Variants in USO1 observed in about 807,000 individuals in gnomAD.
USO1 encodes USO1 vesicle transport factor.
A neutral mutation model predicts 124.5 loss-of-function variants in USO1; 57 were observed. That is an observed-to-expected ratio of 0.46 (90% confidence interval 0.37 to 0.57). The LOEUF (loss-of-function observed/expected upper bound fraction) is 0.57, where lower values mean the gene tolerates loss of function less well. Ranked by LOEUF, USO1 falls within the 20% of genes least tolerant of loss-of-function variation. The pLI is 0.00. For missense variants in USO1, 900 were observed against 1,040.6 expected, an observed-to-expected ratio of 0.86 and a Z score of 1.86; for synonymous variants, 369 against 362.8, an observed-to-expected ratio of 1.02 and a Z score of -0.19.
Position 75,750,048 on chromosome 4 carries a change from C to T in USO1, c.67-2325C>T, listed in dbSNP as rs897802470. On this transcript the variant is annotated intron_variant, in intron 1 of 23. Coordinates refer to ENST00000514213, the MANE Select transcript of USO1 (RefSeq NM_003715.4). ...GATTATAGGCGTGAGCCACCACGCC[C>T]GGCCTAAACTATGTTCTTCATCAGA... 8.5e-5 allele frequency among the ~76,000 whole-genome samples: 13 copies of T among 152,254 alleles called. No homozygotes were observed. The South Asian group carries it at 1.0e-3, about 12-fold the overall frequency.
At chr4:75,769,322 G>A (rs998438395) in intron 4 of USO1, among the ~76,000 whole-genome samples, 1 of 152,128 alleles carries the variant, frequency 6.6e-6, no homozygotes, top group Non-Finnish European at 1.5e-5. Context: ...ATATTTCTTG[G>A]AGTTTCTGAA....
intron 3 of USO1, among the ~76,000 whole-genome samples, chr4:75,757,075 T>C (rs1721468154): frequency 6.7e-6 from 1 of 149,130 alleles, no homozygotes; most frequent in Admixed American, 6.8e-5. Flanking sequence ...AAAATATGCA[T>C]AGATACAAAC....
chr4:75,777,685 A>G (rs1227935851), intron 8 of USO1, among the ~76,000 whole-genome samples: 5 of 152,198 alleles, frequency 3.3e-5, no homozygotes, highest in African/African-American at 4.8e-5. Flanking sequence ...GAAAACATTG[A>G]CACCACCAAA....
intron 9 of USO1, among the ~76,000 whole-genome samples, chr4:75,784,692 T>C (rs1048628316): frequency 6.6e-6 from 1 of 151,564 alleles, no homozygotes; most frequent in Admixed American, 6.6e-5. Context: ...CTCAGGAGGC[T>C]GAAGGGGAGG....
At chr4:75,740,997 A>G (rs1204054534) in intron 1 of USO1, among the ~76,000 whole-genome samples, 1 of 152,204 alleles carries the variant, frequency 6.6e-6, no homozygotes, top group Non-Finnish European at 1.5e-5. Flanking sequence ...AGTTCTTGGT[A>G]GCTCAGTGTC....
intron 1 of USO1, among the ~76,000 whole-genome samples, chr4:75,739,304 A>G (rs1166689533): frequency 6.6e-6 from 1 of 152,026 alleles, no homozygotes; most frequent in Non-Finnish European, 1.5e-5. Flanking sequence ...TTACTTGCAA[A>G]TTCACCTACT....
intron 1 of USO1, among the ~76,000 whole-genome samples, chr4:75,744,458 C>T (rs528490723): frequency 1.3e-5 from 2 of 152,288 alleles, no homozygotes; most frequent in Admixed American, 6.5e-5. Context: ...CTCACTCTGT[C>T]GCCCAGGCCA....
chr4:75,762,082 T>C (rs1196722677), intron 4 of USO1, among the ~76,000 whole-genome samples: 1 of 152,060 alleles, frequency 6.6e-6, no homozygotes, highest in Non-Finnish European at 1.5e-5. Context: ...GGTATTTTTC[T>C]ACTTTCTAAA....
intron 13 of USO1, among the ~76,000 whole-genome samples, chr4:75,796,613 C>G (rs1174939921): frequency 6.6e-6 from 1 of 152,082 alleles, no homozygotes; most frequent in Non-Finnish European, 1.5e-5. Context: ...GCTGGGATTA[C>G]AGGTGTGAGA....
intron 23 of USO1, 133 bp from the exon 24 acceptor site, chr4:75,813,073 A>G: frequency 2.2e-6 from 2 of 890,554 alleles, no homozygotes; most frequent in Non-Finnish European, 3.1e-6. Flanking sequence ...AGATCGCACC[A>G]TTGCACTCCA....
chr4:75,775,562 G>A (rs371326991), intron 8 of USO1, among the ~76,000 whole-genome samples: 2 of 151,904 alleles, frequency 1.3e-5, no homozygotes, highest in South Asian at 4.2e-4. Flanking sequence ...GGGGGATAAG[G>A]GCCCCATTAA....
Position 75,799,636 on chromosome 4 carries a change from A to G in USO1, c.1467A>G (p.Gln489=), listed in dbSNP as rs368868490. The stretch of plus-strand genomic sequence containing the variant: ...ATCTGTTGCAGGGAAGCAAAATACA[A>G]ACAAGAGTTGGATTATTAATGTTGC... The part of the protein sequence containing the change: ...TNILSQGSKI[Q]TRVGLLMLLC... The change falls in exon 14 of 24, where the codon CAA becomes CAG. Residue 489 remains glutamine, a synonymous_variant. Transcript: ENST00000514213. The G allele has an allele frequency of 1.2e-6, 2 of 1,613,404 alleles. No individual in the cohort carries two copies. Among genetic ancestry groups the G allele is most frequent in the African/African-American group, 2.7e-5 (2 of 74,900 alleles).
At chr4:75,738,090 C>T (rs938978451) in intron 1 of USO1, among the ~76,000 whole-genome samples, 1 of 151,702 alleles carries the variant, frequency 6.6e-6, no homozygotes, top group African/African-American at 2.4e-5. Flanking sequence ...GCCTTGGCCT[C>T]CCAGAGTGCT....
intron 10 of USO1, among the ~76,000 whole-genome samples, chr4:75,788,552 T>C (rs916713318): frequency 6.6e-6 from 1 of 151,124 alleles, no homozygotes; most frequent in African/African-American, 2.4e-5. Context: ...CTTTTCTTTT[T>C]TTTTTTTGAG....
intron 4 of USO1, among the ~76,000 whole-genome samples, chr4:75,762,695 G>A (rs1192484185): frequency 1.3e-5 from 2 of 152,142 alleles, no homozygotes; most frequent in African/African-American, 4.8e-5. Flanking sequence ...TTGGGAGGCT[G>A]AGGCAGGCAG....
chr4:75,788,366 C>T (rs1722429618), intron 10 of USO1, among the ~76,000 whole-genome samples: 1 of 150,282 alleles, frequency 6.7e-6, no homozygotes, highest in South Asian at 2.1e-4. Context: ...CAGGGTCTCA[C>T]CATGTTGGCC....
At chr4:75,747,984 C>T (rs1334670234) in intron 1 of USO1, among the ~76,000 whole-genome samples, 6 of 144,366 alleles carry the variant, frequency 4.2e-5, no homozygotes, top group Admixed American at 1.4e-4. Flanking sequence ...CTCGGCTCAC[C>T]GCAACCTCCG....
At chr4:75,782,372 C>T (rs915357337) in intron 8 of USO1, among the ~76,000 whole-genome samples, 2 of 152,162 alleles carry the variant, frequency 1.3e-5, no homozygotes, top group Non-Finnish European at 2.9e-5. Flanking sequence ...TAGCTGGTGA[C>T]GCTAACCTAG....
At chr4:75,758,775 T>G (rs1308212991) in intron 4 of USO1, among the ~76,000 whole-genome samples, 1 of 152,116 alleles carries the variant, frequency 6.6e-6, no homozygotes, top group Non-Finnish European at 1.5e-5. Context: ...TAGCTTAACT[T>G]TATTAATTTC....
Sources: allele counts gnomAD v4.1 joint callset (sites outside exome capture counted in the v4.1 genomes callset), GRCh38; gene constraint gnomAD v4.1.1; transcripts MANE v1.5; gene names NCBI Gene and HGNC (gene_info 2026-07-23, HGNC 2026-07-21).